The following PRKAA2 variants were observed in gnomAD, a reference collection of about 807,000 sequenced individuals.
PRKAA2 encodes 5'-AMP-activated protein kinase catalytic subunit alpha-2.
A neutral mutation model predicts 56.3 loss-of-function variants in PRKAA2; 40 were observed. The ratio of observed to expected loss-of-function variants is 0.71; its 90% CI spans 0.55 to 0.92. PRKAA2 has a LOEUF of 0.92. Among genes scored for constraint, PRKAA2 ranks in the 40% least tolerant of loss-of-function variants. The probability of loss-of-function intolerance (pLI) is 0.00; values close to 1 mark genes in which losing one functional copy is unlikely to be tolerated. For missense variants in PRKAA2, 542 were observed against 686.9 expected (o/e 0.79, Z 2.36); for synonymous variants, 214 against 234.2 (o/e 0.91, Z 0.79).
intron 1 of PRKAA2, among the ~76,000 whole-genome samples, chr1:56,655,280 A>ATTTT (rs1207874046): frequency 3.2e-5 from 3 of 93,652 alleles, no homozygotes; most frequent in Admixed American, 1.4e-4. Context: ...ATATATATAT[A>ATTTT]TTTTTTTTTT....
At chr1:56,695,811 G>C (rs1298895161) in intron 5 of PRKAA2, 124 bp from the exon 6 acceptor site, 2 of 834,076 alleles carry the variant, frequency 2.4e-6, no homozygotes, top group Non-Finnish European at 3.8e-6. Flanking sequence ...AGCAGCCATG[G>C]ACTTCATTAA....
At chr1:56,665,597 C>T (rs2796517) in intron 1 of PRKAA2, among the ~76,000 whole-genome samples, 3 of 151,852 alleles carry the variant, frequency 2.0e-5, no homozygotes, top group Non-Finnish European at 4.4e-5. Flanking sequence ...TAGTAGTTAC[C>T]CATTTTGCAT....
chr1:56,658,579 T>A (rs1338462071), intron 1 of PRKAA2, among the ~76,000 whole-genome samples: 6 of 120,284 alleles, frequency 5.0e-5, no homozygotes, highest in Non-Finnish European at 8.8e-5. Context: ...TGTTGTTTTT[T>A]TTTTTCTTCC....
rs371537636 is a variant in PRKAA2 at position 56,713,611 on chromosome 1, C to CA, written c.*5899dup. The CA allele has an allele frequency of 5.1e-4, 77 of 152,080 alleles. No homozygotes were observed. The highest frequency in any genetic ancestry group is 1.8e-3 in the African/African-American group (76 of 41,508). The allele number at this position is 152,080 out of a possible 1,614,324, so 9.4% of individuals were successfully genotyped here. A position where few individuals can be genotyped will look rare whatever the true frequency, so the allele number is the denominator to read the frequency against. On this transcript the variant is annotated 3_prime_UTR_variant, in exon 9 of 9. Transcript: ENST00000371244. ...ACGTAGAATTTTGACAAGGTTCATA[C>CA]AGTGCATACAGTGTGACCTTTTCTG...
intron 6 of PRKAA2, among the ~76,000 whole-genome samples, chr1:56,702,326 G>A (rs894149502): frequency 1.3e-4 from 20 of 152,092 alleles, no homozygotes; most frequent in African/African-American, 4.3e-4. Context: ...CAGGTGATCC[G>A]CCTGCCTCGG....
chr1:56,666,109 A>C (rs1174062087), intron 1 of PRKAA2, among the ~76,000 whole-genome samples: 2 of 152,208 alleles, frequency 1.3e-5, no homozygotes, highest in Non-Finnish European at 2.9e-5. Flanking sequence ...CTAAAGCAGC[A>C]ATACTAGTAG....
At chr1:56,700,499 C>T (rs1246845887) in intron 6 of PRKAA2, among the ~76,000 whole-genome samples, 1 of 152,184 alleles carries the variant, frequency 6.6e-6, no homozygotes, top group Non-Finnish European at 1.5e-5. Flanking sequence ...AGAAATATAT[C>T]AGAGCTTTCC....
chr1:56,666,986 TTGAA>T (rs1644040858), intron 1 of PRKAA2, among the ~76,000 whole-genome samples: 2 of 152,182 alleles, frequency 1.3e-5, no homozygotes, highest in African/African-American at 4.8e-5. Flanking sequence ...TACAAAATTC[TTGAA>T]TCTTCCCCTT....
intron 6 of PRKAA2, among the ~76,000 whole-genome samples, chr1:56,700,337 T>C (rs1192612584): frequency 6.6e-6 from 1 of 152,208 alleles, no homozygotes; most frequent in Admixed American, 6.5e-5. Context: ...ATATCCTTAG[T>C]GCTCCAACAG....
chr1:56,694,787 C>T (rs114443793), intron 5 of PRKAA2, among the ~76,000 whole-genome samples: 227 of 152,174 alleles, frequency 1.5e-3, no homozygotes, highest in African/African-American at 5.0e-3. Flanking sequence ...GATTTCAACA[C>T]ATGAATTTTG....
At chr1:56,680,432 A>G (rs900965517) in intron 2 of PRKAA2, among the ~76,000 whole-genome samples, 2 of 152,086 alleles carry the variant, frequency 1.3e-5, no homozygotes, top group Non-Finnish European at 2.9e-5. Context: ...ATATGTATCC[A>G]TGTGCCATGT....
chr1:56,655,280 A>ATATATATATTT lies in PRKAA2; in HGVS notation c.94+9800_94+9801insATATATATTTT. Among the ~76,000 whole-genome samples the ATATATATATTT allele has an allele frequency of 7.0e-3, 651 of 93,634 alleles. 7 individuals are homozygous for ATATATATATTT. The highest frequency in any genetic ancestry group is 0.01 in the Non-Finnish European group (533 of 51,822). 61.4% of individuals were successfully genotyped at this position (93,634 alleles called of 152,430 possible). A position where few individuals can be genotyped will look rare whatever the true frequency, so the allele number is the denominator to read the frequency against. On this transcript the variant is annotated intron_variant, in intron 1 of 8. Transcript: ENST00000371244. Reference sequence around the variant, plus strand: ...TGTATTTATATATCTATATATATATATTTTTTTTTTTTTTTTGTAGAGACA... The same window carrying ATATATATATTT: ...TGTATTTATATATCTATATATATATATATATATATTTTTTTTTTTTTTTTTTTGTAGAGACA...
intron 6 of PRKAA2, among the ~76,000 whole-genome samples, chr1:56,697,359 A>T (rs1038722185): frequency 6.6e-6 from 1 of 151,948 alleles, no homozygotes; most frequent in Non-Finnish European, 1.5e-5. Context: ...TGACCTTTGG[A>T]ATATTTAAAT....
intron 2 of PRKAA2, among the ~76,000 whole-genome samples, chr1:56,678,784 C>T (rs971948179): frequency 3.3e-5 from 5 of 151,566 alleles, no homozygotes; most frequent in African/African-American, 1.2e-4. Context: ...CAACCTCCGC[C>T]TCCTGTGTTC....
At chr1:56,673,139 A>G (rs1166916096) in intron 1 of PRKAA2, among the ~76,000 whole-genome samples, 2 of 152,134 alleles carry the variant, frequency 1.3e-5, no homozygotes, top group African/African-American at 4.8e-5. Flanking sequence ...TGGGAGGCTG[A>G]GGCAGGAGGA....
rs924803477 is a variant in PRKAA2, at chr1:56,708,096, C to G, written c.*383C>G. The G allele has an allele frequency of 1.6e-5, 3 of 191,578 alleles. No individual in the cohort carries two copies. The highest frequency in any genetic ancestry group is 7.1e-5 in the African/African-American group (3 of 42,336). 11.9% of individuals were successfully genotyped at this position (191,578 alleles called of 1,614,324 possible). ...TGGTGTAGGTAAATCTAGTTTACTTCCTAAATTTCAGTAGGCTTTATGCTG... is the reference window on the plus strand; with the variant it reads ...TGGTGTAGGTAAATCTAGTTTACTTGCTAAATTTCAGTAGGCTTTATGCTG... On this transcript the variant is annotated 3_prime_UTR_variant, in exon 9 of 9. Coordinates refer to ENST00000371244, the MANE Select transcript of PRKAA2 (RefSeq NM_006252.4).
rs1302995485 is a variant in PRKAA2, at chr1:56,707,653, C to T, written c.1599C>T (p.Gly533=). Residue 533 remains glycine, a synonymous_variant, in exon 9 of 9, where the codon GGC becomes GGT. Transcript: ENST00000371244. ...TGTCTTCAGTTTCACCTCGCCTGGG[C>T]AGTCACACCATGGATTTTTTTGAAA... ...STLSSVSPRL[G]SHTMDFFEMC... is the part of the protein sequence containing the mutation. 6.2e-7 allele frequency: 1 copy of T among 1,613,970 alleles called. No homozygotes were observed. Among genetic ancestry groups the T allele is most frequent in the South Asian group, 1.1e-5 (1 of 91,070 alleles).
intron 2 of PRKAA2, among the ~76,000 whole-genome samples, chr1:56,686,235 C>T (rs1231304291): frequency 6.6e-6 from 1 of 152,168 alleles, no homozygotes; most frequent in Non-Finnish European, 1.5e-5. Context: ...TGGTGTTTTG[C>T]AACTGTTGGA....
In PRKAA2 at chr1:56,675,320, A is replaced by G. The variant is rs940966014; in HGVS notation, c.236+798A>G. Among the ~76,000 whole-genome samples, 3 of 145,490 alleles carry G rather than the reference A, an allele frequency of 2.1e-5. No individual in the cohort carries two copies. In the South Asian group the frequency reaches 7.2e-4, roughly 35 times the overall value. The stretch of plus-strand genomic sequence containing the variant: ...ATTGCTCTTACTTATTGAGTACCTG[A>G]TAGTGGTCAGGAACTGTACCAAGCA... On this transcript the variant is annotated intron_variant, in intron 2 of 8. Coordinates refer to ENST00000371244, the MANE Select transcript of PRKAA2 (RefSeq NM_006252.4).
Sources: gnomAD v4.1 joint callset for allele counts (sites outside exome capture counted in the v4.1 genomes callset) on GRCh38, gnomAD v4.1.1 for gene constraint, MANE v1.5 for transcripts, NCBI Gene and HGNC (gene_info 2026-07-23, HGNC 2026-07-21) for gene names.